Variants in SMAD7 observed in about 807,000 individuals in gnomAD.
SMAD7 encodes MAD (mothers against decapentaplegic, Drosophila) homolog 7.
SMAD7 carries 8 observed loss-of-function variants against 38.7 expected under a neutral mutation model. The ratio of observed to expected loss-of-function variants is 0.21; its 90% CI spans 0.12 to 0.37. The LOEUF is 0.37. Among genes scored for constraint, SMAD7 ranks in the 10% least tolerant of loss-of-function variants. SMAD7 has a pLI of 1.00. For synonymous variants in SMAD7, 327 were observed against 265.1 expected (o/e 1.23, Z -2.27); for missense variants, 477 against 577.9 (o/e 0.83, Z 1.79).
chr18:48,947,003 G>T (rs927532694), intron 2 of SMAD7, among the ~76,000 whole-genome samples: 1 of 152,110 alleles, frequency 6.6e-6, no homozygotes, highest in Non-Finnish European at 1.5e-5. Context: ...ACAGGTCAGA[G>T]GTGGCCCCTT....
intron 3 of SMAD7, among the ~76,000 whole-genome samples, chr18:48,936,560 T>A (rs1435574083): frequency 1.3e-5 from 2 of 152,186 alleles, no homozygotes; most frequent in African/African-American, 4.8e-5. Context: ...CTCTCAAATG[T>A]CTCTACAAAG....
At chr18:48,942,743 C>A (rs2070156465) in intron 2 of SMAD7, 188 bp from the exon 3 acceptor site, 2 of 1,448,638 alleles carry the variant, frequency 1.4e-6, no homozygotes, top group South Asian at 1.4e-5. Flanking sequence ...GACCACAGCA[C>A]CTTGTCACCC....
chr18:48,934,109 A>G (rs993650961), intron 3 of SMAD7, among the ~76,000 whole-genome samples: 4 of 152,166 alleles, frequency 2.6e-5, no homozygotes, highest in African/African-American at 9.7e-5. Flanking sequence ...ATGGAACTGG[A>G]CCTTATCTGC....
intron 3 of SMAD7, among the ~76,000 whole-genome samples, chr18:48,927,310 G>A (rs2069940360): frequency 8.6e-6 from 1 of 116,004 alleles, no homozygotes; most frequent in African/African-American, 3.1e-5. Context: ...GAGAACACTG[G>A]ATTTTTTTTT....
At chr18:48,942,774 G>A (rs1442591463) in intron 2 of SMAD7, 2 of 1,401,824 alleles carry the variant, frequency 1.4e-6, no homozygotes, top group Non-Finnish European at 1.8e-6. Context: ...CGGGCAGCCA[G>A]TTAATCATTA....
intron 3 of SMAD7, among the ~76,000 whole-genome samples, chr18:48,930,710 G>A (rs1199851635): frequency 1.7e-5 from 2 of 114,876 alleles, no homozygotes; most frequent in African/African-American, 2.6e-5. Flanking sequence ...GCATGCGATC[G>A]GTGTGTGCCG....
At chr18:48,942,652 C>A in intron 2 of SMAD7, 97 bp from the exon 3 acceptor site, 1 of 1,598,000 alleles carries the variant, frequency 6.3e-7, no homozygotes, top group East Asian at 2.2e-5. Context: ...AAAGACAAAC[C>A]ACACATTCCA....
chr18:48,948,564 C>A (rs769406396), intron 1 of SMAD7, 127 bp from the exon 2 acceptor site: 8 of 607,716 alleles, frequency 1.3e-5, no homozygotes, highest in Non-Finnish European at 2.3e-5. Flanking sequence ...GGCAGGGCCG[C>A]GAGGCGGTGA....
intron 2 of SMAD7, among the ~76,000 whole-genome samples, chr18:48,945,994 A>AC (rs1416249325): frequency 1.3e-5 from 2 of 152,190 alleles, no homozygotes; most frequent in Non-Finnish European, 2.9e-5. Flanking sequence ...ACCACACAGT[A>AC]CCTAGGTGTC....
At chr18:48,924,695 G>T (rs916267785) in intron 3 of SMAD7, among the ~76,000 whole-genome samples, 2 of 152,152 alleles carry the variant, frequency 1.3e-5, no homozygotes, top group Non-Finnish European at 2.9e-5. Flanking sequence ...ACTCCTGCCT[G>T]CTCCTCCCTC....
At chr18:48,943,790 TTA>T (rs2070167830) in intron 2 of SMAD7, among the ~76,000 whole-genome samples, 1 of 152,054 alleles carries the variant, frequency 6.6e-6, no homozygotes, top group African/African-American at 2.4e-5. Flanking sequence ...TGGGAATCCT[TTA>T]GTGGCCTACA....
chr18:48,921,838 C>A lies in SMAD7; in HGVS notation c.815G>T (p.Arg272Ile), dbSNP rs2069866138. The change falls in exon 4 of 4, where the codon AGA becomes ATA. Residue 272 changes from arginine to isoleucine, a missense_variant. Coordinates refer to ENST00000262158, the MANE Select transcript of SMAD7 (RefSeq NM_005904.4). The surrounding 1 kb of genome is among the most constrained non-coding windows in gnomAD (Gnocchi z 6.4). The part of the protein sequence containing the change: ...CVVAYWEEKT[R>I]VGRLYCVQEP... ...CTGGACACAGTAGAGCCTCCCCACT[C>A]TCGTCTTCTCCTCCCAGTATGCCAC... 1 of 1,613,886 alleles carries A rather than the reference C, an allele frequency of 6.2e-7. No homozygotes were observed.
intron 2 of SMAD7, chr18:48,942,929 A>G: frequency 3.5e-6 from 1 of 289,782 alleles, no homozygotes; most frequent in South Asian, 5.4e-5. Context: ...CATCAAGGGC[A>G]GAAGGCTCTC....
chr18:48,950,097 G>T lies in SMAD7; in HGVS notation c.328C>A (p.Leu110Met). The change falls in exon 1 of 4, where the codon CTG becomes ATG. Residue 110 changes from leucine to methionine, a missense_variant. By Grantham distance (15) the Leu-to-Met change is conservative. This residue lies in a region of SMAD7 where 376 missense variants were observed against 379.4 expected (regional missense o/e 0.99). Coordinates refer to ENST00000262158, the MANE Select transcript of SMAD7 (RefSeq NM_005904.4). ...CGGGACTCCACGGCCTGGAGCAGCA[G>T]CTCCAGCTGCCGCTCCTTCAGTTTC... ...LKKLKERQLE[L>M]LLQAVESRGG... The T allele has an allele frequency of 6.8e-7, 1 of 1,479,040 alleles. No homozygotes were observed. The highest frequency in any genetic ancestry group is 1.3e-5 in the South Asian group (1 of 76,004). 91.6% of individuals were successfully genotyped at this position (1,479,040 alleles called of 1,614,324 possible). A position where few individuals can be genotyped will look rare whatever the true frequency, so the allele number is the denominator to read the frequency against.
chr18:48,945,830 A>G (rs2070188922), intron 2 of SMAD7, among the ~76,000 whole-genome samples: 1 of 152,200 alleles, frequency 6.6e-6, no homozygotes, highest in Non-Finnish European at 1.5e-5. Context: ...CCACACAGCT[A>G]TCCCCGAGAT....
chr18:48,941,425 G>A (rs191164889), intron 3 of SMAD7, among the ~76,000 whole-genome samples: 8 of 152,166 alleles, frequency 5.3e-5, no homozygotes, highest in East Asian at 1.9e-4. Flanking sequence ...GGAGCCGTCC[G>A]GGAATGAACT....
chr18:48,950,510 A>G lies in SMAD7; in HGVS notation c.-86T>C. Reference sequence around the variant, plus strand: ...CACACCATGAAGAAGTCGGGCGCCGAGTTGGGGCAGCAGGCGCAGGCGACA... The same window carrying G: ...CACACCATGAAGAAGTCGGGCGCCGGGTTGGGGCAGCAGGCGCAGGCGACA... On this transcript the variant is annotated 5_prime_UTR_variant, in exon 1 of 4. Coordinates refer to ENST00000262158, the MANE Select transcript of SMAD7 (RefSeq NM_005904.4). 3.0e-6 allele frequency: 4 copies of G among 1,345,208 alleles called. No individual in the cohort carries two copies. The highest frequency in any genetic ancestry group is 3.9e-6 in the Non-Finnish European group (4 of 1,017,172). The allele number at this position is 1,345,208 out of a possible 1,614,324, so 83.3% of individuals were successfully genotyped here.
chr18:48,950,311 C>G lies in SMAD7; in HGVS notation c.114G>C (p.Arg38=). ...AGGGGGGGEL[R]GEGATDSRAH... ...CTCGGCTGTCCGTCGCCCCTTCTCC[C>G]CGCAGCTCGCCTCCTCCTCCACCTC... is the stretch of plus-strand genomic sequence containing the variant. Residue 38 remains arginine, a synonymous_variant, in exon 1 of 4, where the codon CGG becomes CGC. Transcript: ENST00000262158. 6.5e-7 allele frequency: 1 copy of G among 1,534,950 alleles called. No individual in the cohort carries two copies. The highest frequency in any genetic ancestry group is 8.8e-7 in the Non-Finnish European group (1 of 1,141,184).
rs1031772411 is a variant in SMAD7 at position 48,950,636 on chromosome 18, G to A, written c.-212C>T. The A allele has an allele frequency of 1.3e-4, 24 of 186,290 alleles. No homozygotes were observed. The highest frequency in any genetic ancestry group is 2.3e-4 in the Non-Finnish European group (22 of 93,954). 11.5% of individuals were successfully genotyped at this position (186,290 alleles called of 1,614,324 possible). A position where few individuals can be genotyped will look rare whatever the true frequency, so the allele number is the denominator to read the frequency against. ...GGCCGGGGCGCGCGCGGGGGCCCGG[G>A]GGCGCCCGCCGGGGATCGGGGGCCT... On this transcript the variant is annotated 5_prime_UTR_variant, in exon 1 of 4. Coordinates refer to ENST00000262158, the MANE Select transcript of SMAD7 (RefSeq NM_005904.4).
Sources: gnomAD v4.1 joint callset for allele counts (sites outside exome capture counted in the v4.1 genomes callset) on GRCh38, gnomAD v4.1.1 for gene constraint, gnomAD v4.1.1 regional missense constraint, Gnocchi (gnomAD v3.1) non-coding constraint, MANE v1.5 for transcripts, NCBI Gene and HGNC (gene_info 2026-07-23, HGNC 2026-07-21) for gene names.